The following ADGRG6 variants were observed in gnomAD, a reference collection of about 807,000 sequenced individuals.
The protein encoded by ADGRG6 is G-protein coupled receptor 126.
A neutral mutation model predicts 142.4 loss-of-function variants in ADGRG6; 84 were observed. That is an observed-to-expected ratio of 0.59 (90% CI 0.49 to 0.71). ADGRG6 has a LOEUF of 0.71. Among genes scored for constraint, ADGRG6 ranks in the 30% least tolerant of loss-of-function variants. The pLI is 0.00. For missense variants in ADGRG6, 1,367 were observed against 1,466.6 expected, an observed-to-expected ratio of 0.93 and a Z score of 1.11; for synonymous variants, 521 against 520.5, an observed-to-expected ratio of 1.00 and a Z score of -0.01.
chr6:142,350,386 C>T (rs2114769831), intron 2 of ADGRG6, among the ~76,000 whole-genome samples: 1 of 152,242 alleles, frequency 6.6e-6, no homozygotes, highest in East Asian at 1.9e-4. Context: ...ATGAAGTGCA[C>T]AAGGTGGATG....
rs201512134 is a variant in ADGRG6, at chr6:142,383,756, C to G, written c.1139-4C>G. On this transcript the variant is annotated splice_region_variant and splice_polypyrimidine_tract_variant and intron_variant, in intron 5 of 24. Transcript: ENST00000367609. Reference sequence around the variant, plus strand: ...AATTACATCTTTCTCATCTTTATTACCAGCTACTGTAAACTCTCCTAGTAC... The same window carrying G: ...AATTACATCTTTCTCATCTTTATTAGCAGCTACTGTAAACTCTCCTAGTAC... The G allele has an allele frequency of 4.1e-6, 6 of 1,445,850 alleles. No homozygotes were observed. The highest frequency in any genetic ancestry group is 1.2e-5 in the South Asian group (1 of 85,708). 89.6% of individuals were successfully genotyped at this position (1,445,850 alleles called of 1,614,324 possible).
intron 6 of ADGRG6, among the ~76,000 whole-genome samples, chr6:142,389,442 A>AT (rs1215404064): frequency 6.6e-6 from 1 of 151,896 alleles, no homozygotes. Flanking sequence ...TTAAAAGGGT[A>AT]TTTTTCTTAC....
chr6:142,369,697 C>A (rs1781140693), intron 3 of ADGRG6, among the ~76,000 whole-genome samples: 1 of 152,064 alleles, frequency 6.6e-6, no homozygotes, highest in African/African-American at 2.4e-5. Context: ...AGGGAGATGG[C>A]AGTACAGGAA....
chr6:142,317,403 G>C (rs897740049), intron 2 of ADGRG6, among the ~76,000 whole-genome samples: 5 of 151,938 alleles, frequency 3.3e-5, no homozygotes, highest in Non-Finnish European at 5.9e-5. Flanking sequence ...TTTCCAAGCT[G>C]TCTTGACAGA....
intron 2 of ADGRG6, among the ~76,000 whole-genome samples, chr6:142,350,004 A>G (rs982278429): frequency 1.3e-5 from 2 of 152,214 alleles, no homozygotes; most frequent in African/African-American, 4.8e-5. Flanking sequence ...TTTACCATTG[A>G]ATGATGATTA....
chr6:142,427,587 A>T (rs1348129352), intron 22 of ADGRG6, among the ~76,000 whole-genome samples: 1 of 152,040 alleles, frequency 6.6e-6, no homozygotes, highest in Non-Finnish European at 1.5e-5. Context: ...GCTTCCACAT[A>T]TTTGGGTATC....
At chr6:142,302,497 G>A (rs1437292113) in intron 1 of ADGRG6, 166 bp downstream of exon 1, 1 of 660,956 alleles carries the variant, frequency 1.5e-6, no homozygotes, top group African/African-American at 1.8e-5. Flanking sequence ...TCGAGGCACT[G>A]AGGAGTAGGA....
chr6:142,345,304 CAT>C (rs1779844451), intron 2 of ADGRG6, among the ~76,000 whole-genome samples: 1 of 152,160 alleles, frequency 6.6e-6, no homozygotes, highest in African/African-American at 2.4e-5. Flanking sequence ...AACTTGAAAA[CAT>C]ATCGTAATAT....
At chr6:142,409,243 C>T (rs1369870141) in intron 16 of ADGRG6, among the ~76,000 whole-genome samples, 1 of 152,128 alleles carries the variant, frequency 6.6e-6, no homozygotes, top group Non-Finnish European at 1.5e-5. Context: ...CTAAGTACCT[C>T]ATATAAGTGG....
chr6:142,429,136 G>T (rs566079322), intron 22 of ADGRG6, among the ~76,000 whole-genome samples: 8 of 152,096 alleles, frequency 5.3e-5, no homozygotes, highest in Non-Finnish European at 1.2e-4. Flanking sequence ...AATGAGTAGA[G>T]GATAGTTTAA....
intron 8 of ADGRG6, among the ~76,000 whole-genome samples, 156 bp downstream of exon 8, chr6:142,393,156 C>CA (rs1354099548): frequency 6.6e-6 from 1 of 152,080 alleles, no homozygotes; most frequent in African/African-American, 2.4e-5. Context: ...GTTCATTGCA[C>CA]AAAAAACCTC....
chr6:142,354,444 AG>A (rs1780347260), intron 2 of ADGRG6, among the ~76,000 whole-genome samples: 1 of 152,172 alleles, frequency 6.6e-6, no homozygotes, highest in African/African-American at 2.4e-5. Flanking sequence ...TATAATCCTC[AG>A]TTTGTCAGTT....
chr6:142,409,481 G>A (rs1775976647), intron 16 of ADGRG6, among the ~76,000 whole-genome samples: 1 of 152,116 alleles, frequency 6.6e-6, no homozygotes, highest in Non-Finnish European at 1.5e-5. Flanking sequence ...TGAGTCTACA[G>A]ATATCTTGTC....
rs769427580 is a variant in ADGRG6 at position 142,443,402 on chromosome 6, A to G, written c.3640A>G (p.Ile1214Val). 1 of 1,611,982 alleles carries G rather than the reference A, an allele frequency of 6.2e-7. No homozygotes were observed. Among genetic ancestry groups the G allele is most frequent in the South Asian group, 1.1e-5 (1 of 91,020 alleles). Residue 1214 changes from isoleucine to valine, a missense_variant, in exon 25 of 25, where the codon ATC (isoleucine) becomes GTC (valine). By Grantham distance (29) the Ile-to-Val change is conservative. This residue lies in a region of ADGRG6 where 344 missense variants were observed against 348.7 expected (regional missense o/e 0.99). Coordinates refer to ENST00000367609, the MANE Select transcript of ADGRG6 (RefSeq NM_198569.3). ...AHADGDQTSIIPVHQVIDKVK... is the reference protein window; with the variant it reads ...AHADGDQTSIVPVHQVIDKVK... ...TGCTGATGGAGATCAAACATCAATC[A>G]TCCCTGTCCATCAGGTCATTGATAA...
At chr6:142,306,682 T>C (rs1388588041) in intron 1 of ADGRG6, among the ~76,000 whole-genome samples, 1 of 152,030 alleles carries the variant, frequency 6.6e-6, no homozygotes, top group Admixed American at 6.6e-5. Flanking sequence ...AGTGTACTTT[T>C]GTGTGTGTGT....
intron 2 of ADGRG6, among the ~76,000 whole-genome samples, chr6:142,363,358 A>G (rs1780805454): frequency 6.6e-6 from 1 of 152,186 alleles, no homozygotes; most frequent in Non-Finnish European, 1.5e-5. Context: ...TCACAAGTTA[A>G]TGATTATTAA....
chr6:142,381,692 T>C (rs1781778481), intron 4 of ADGRG6, among the ~76,000 whole-genome samples: 1 of 152,210 alleles, frequency 6.6e-6, no homozygotes, highest in East Asian at 1.9e-4. Context: ...TTGCACAAAC[T>C]TTAAGGGGCA....
At chr6:142,339,430 T>C (rs1779508511) in intron 2 of ADGRG6, among the ~76,000 whole-genome samples, 1 of 152,234 alleles carries the variant, frequency 6.6e-6, no homozygotes, top group African/African-American at 2.4e-5. Context: ...ATCAGAGCTT[T>C]CTGGAAACCA....
At chr6:142,425,244 G>A (rs9484638) in intron 22 of ADGRG6, among the ~76,000 whole-genome samples, 2,744 of 152,252 alleles carry the variant, frequency 0.018, 88 homozygotes, top group African/African-American at 0.063. Flanking sequence ...ATGGATTAGA[G>A]CTGCCCAGTA....
Sources: allele counts gnomAD v4.1 joint callset (sites outside exome capture counted in the v4.1 genomes callset), GRCh38; gene constraint gnomAD v4.1.1; regional missense constraint gnomAD v4.1.1; transcripts MANE v1.5; gene names NCBI Gene and HGNC (gene_info 2026-07-23, HGNC 2026-07-21).